SVOPL: variants seen among roughly 807,000 people sequenced by gnomAD.
SVOPL encodes putative transporter SVOPL.
Under a neutral mutation model 61.0 loss-of-function variants are expected in SVOPL, and 60 were observed. The observed-to-expected ratio is 0.98, with a 90% CI of 0.80 to 1.22. The LOEUF is 1.22. Ranked by LOEUF, SVOPL falls within the 50% of genes most tolerant of loss-of-function variation. SVOPL has a pLI of 0.00. For missense variants in SVOPL, 662 were observed against 643.9 expected, an observed-to-expected ratio of 1.03 and a Z score of -0.30; for synonymous variants, 279 against 250.0, an observed-to-expected ratio of 1.12 and a Z score of -1.09.
chr7:138,614,660 T>C (rs1162494534), intron 14 of SVOPL, among the ~76,000 whole-genome samples: 1 of 152,036 alleles, frequency 6.6e-6, no homozygotes. Flanking sequence ...CCTCCCAAAG[T>C]GTTAGGATTA....
intron 1 of SVOPL, among the ~76,000 whole-genome samples, chr7:138,687,073 G>A (rs1002917676): frequency 6.6e-6 from 1 of 152,020 alleles, no homozygotes; most frequent in Non-Finnish European, 1.5e-5. Flanking sequence ...TACACATAGT[G>A]GGAAAAGCAA....
chr7:138,693,577 A>AAAGAAAGAAAGAAAT (rs1563140875), intron 1 of SVOPL, among the ~76,000 whole-genome samples: 1 of 76,068 alleles, frequency 1.3e-5, no homozygotes, highest in African/African-American at 4.4e-5. Flanking sequence ...AAGAAAGAAA[A>AAAGAAAGAAAGAAAT]AAGGAAAGAA....
chr7:138,638,090 A>G (rs1358034007), intron 9 of SVOPL, among the ~76,000 whole-genome samples: 1 of 152,114 alleles, frequency 6.6e-6, no homozygotes, highest in African/African-American at 2.4e-5. Context: ...CCTGGCTAAC[A>G]TGGTGAAACC....
chr7:138,632,548 G>C (rs1185892599), intron 9 of SVOPL, among the ~76,000 whole-genome samples: 2 of 152,110 alleles, frequency 1.3e-5, no homozygotes, highest in Non-Finnish European at 1.5e-5. Flanking sequence ...AGTGGGAACA[G>C]AAGGATGAAG....
chr7:138,638,723 ATAAAGG>A (rs1800627549), intron 9 of SVOPL, among the ~76,000 whole-genome samples: 1 of 152,222 alleles, frequency 6.6e-6, no homozygotes, highest in South Asian at 2.1e-4. Context: ...CAGTTACCAG[ATAAAGG>A]TAAAGGTAGC....
intron 7 of SVOPL, among the ~76,000 whole-genome samples, chr7:138,651,244 A>C (rs1801419031): frequency 6.6e-6 from 1 of 152,198 alleles, no homozygotes; most frequent in Admixed American, 6.5e-5. Flanking sequence ...CATTCCAGTG[A>C]AACCGGTCAT....
At chr7:138,653,749 C>T (rs140775871) in intron 7 of SVOPL, among the ~76,000 whole-genome samples, 3,993 of 152,104 alleles carry the variant, frequency 0.026, 170 homozygotes, top group African/African-American at 0.089. Context: ...ACCTGGCCAA[C>T]GTGGTGAAAC....
Position 138,628,204 on chromosome 7 carries a change from G to A in SVOPL, c.1023C>T (p.Pro341=), listed in dbSNP as rs1209237827. Residue 341 remains proline, a synonymous_variant, in exon 11 of 16, where the codon CCC becomes CCT. Transcript: ENST00000674285. ...QSPCYCHMFA[P]SDYRTMIIST... is the part of the protein sequence containing the mutation. The stretch of plus-strand genomic sequence containing the variant: ...TGATGATCATGGTCCGATAGTCAGA[G>A]GGTGCAAACATGTGGCAGTAGCAGG... 1.2e-6 allele frequency: 2 copies of A among 1,614,170 alleles called. No individual in the cohort carries two copies. The highest frequency in any genetic ancestry group is 1.7e-6 in the Non-Finnish European group (2 of 1,180,034).
chr7:138,667,031 A>G (rs1192150232), intron 4 of SVOPL, among the ~76,000 whole-genome samples: 1 of 152,200 alleles, frequency 6.6e-6, no homozygotes, highest in Non-Finnish European at 1.5e-5. Context: ...CTTTGGGACA[A>G]CAAGTACTAG....
intron 7 of SVOPL, among the ~76,000 whole-genome samples, chr7:138,651,265 G>A (rs920268951): frequency 6.6e-6 from 1 of 152,122 alleles, no homozygotes; most frequent in Admixed American, 6.6e-5. Context: ...CAGACTATTT[G>A]GTTACTGTGT....
chr7:138,694,327 C>T (rs1803020615), intron 1 of SVOPL, among the ~76,000 whole-genome samples: 1 of 151,782 alleles, frequency 6.6e-6, no homozygotes, highest in South Asian at 2.1e-4. Flanking sequence ...TCACTGCAAC[C>T]TCTGCCTCCT....
intron 8 of SVOPL, chr7:138,646,522 T>G (rs541354541): frequency 6.5e-6 from 1 of 153,230 alleles, no homozygotes; most frequent in South Asian, 2.1e-4. Flanking sequence ...TGTTGTTGGT[T>G]TTTTGTTTTT....
At chr7:138,672,641 G>GT (rs11462058) in intron 3 of SVOPL, among the ~76,000 whole-genome samples, 34,259 of 104,072 alleles carry the variant, frequency 0.33, 4,931 homozygotes, top group Non-Finnish European at 0.37. Context: ...GCAGGAAAGT[G>GT]TTTTTTTTTG....
intron 4 of SVOPL, among the ~76,000 whole-genome samples, chr7:138,671,338 A>C (rs1001095474): frequency 6.6e-6 from 1 of 152,160 alleles, no homozygotes; most frequent in African/African-American, 2.4e-5. Context: ...CTTGATGTGC[A>C]ACTCATAAGG....
intron 14 of SVOPL, among the ~76,000 whole-genome samples, chr7:138,608,410 T>C (rs180862069): frequency 1.3e-5 from 2 of 152,330 alleles, no homozygotes; most frequent in Admixed American, 1.3e-4. Context: ...ATAGGCCAAT[T>C]GCGGGAACAT....
intron 9 of SVOPL, among the ~76,000 whole-genome samples, chr7:138,642,447 G>A (rs575087943): frequency 9.2e-4 from 140 of 152,046 alleles, no homozygotes; most frequent in African/African-American, 3.1e-3. Context: ...GCACATTATC[G>A]CATAGATTTT....
rs992920603 is a variant in SVOPL, at chr7:138,660,576, G to A, written c.346-588C>T. On this transcript the variant is annotated intron_variant, in intron 5 of 15. Coordinates refer to ENST00000674285, the MANE Select transcript of SVOPL (RefSeq NM_001139456.2). ...TTCATACATGTAATATAATACATAA[G>A]ACCTTGCTCTACTGTTGCAGTTTAA... The A allele has an allele frequency of 8.1e-6, 8 of 985,304 alleles. No individual in the cohort carries two copies. The Admixed American group carries it at 3.7e-4, about 45-fold the overall frequency. The allele number at this position is 985,304 out of a possible 1,614,324, so 61.0% of individuals were successfully genotyped here. A position where few individuals can be genotyped will look rare whatever the true frequency, so the allele number is the denominator to read the frequency against.
chr7:138,633,506 C>T (rs1221060947), intron 9 of SVOPL, among the ~76,000 whole-genome samples: 1 of 152,158 alleles, frequency 6.6e-6, no homozygotes, highest in Non-Finnish European at 1.5e-5. Flanking sequence ...TGAGTAGAGG[C>T]TTCCTGAGGC....
intron 14 of SVOPL, among the ~76,000 whole-genome samples, chr7:138,615,485 G>A (rs1799251225): frequency 6.7e-6 from 1 of 149,116 alleles, no homozygotes; most frequent in Non-Finnish European, 1.5e-5. Flanking sequence ...TGAATCAGGA[G>A]GCAGAGCTTG....
Sources: allele counts gnomAD v4.1 joint callset (sites outside exome capture counted in the v4.1 genomes callset), GRCh38; gene constraint gnomAD v4.1.1; transcripts MANE v1.5; gene names NCBI Gene and HGNC (gene_info 2026-07-23, HGNC 2026-07-21).